KANSL1L: variants seen among roughly 807,000 people sequenced by gnomAD.
KANSL1L encodes the protein KAT8 regulatory NSL complex subunit 1 like.
In KANSL1L, 25 loss-of-function variants were observed where a neutral mutation model predicts 108.6. That is an observed-to-expected ratio of 0.23 (90% CI 0.17 to 0.32). The LOEUF (loss-of-function observed/expected upper bound fraction) is 0.32. KANSL1L is among the 10% of genes least tolerant of loss of function. KANSL1L has a pLI of 1.00. For synonymous variants in KANSL1L, 405 were observed against 395.1 expected (o/e 1.03, Z -0.30); for missense variants, 1,137 against 1,125.7 (o/e 1.01, Z -0.14).
chr2:210,031,314 A>G (rs1018299941), intron 9 of KANSL1L, 107 bp downstream of exon 9: 3 of 710,140 alleles, frequency 4.2e-6, no homozygotes, highest in Non-Finnish European at 7.0e-6. Context: ...GTTTTGTGTT[A>G]TTAGTGGCTG....
intron 6 of KANSL1L, among the ~76,000 whole-genome samples, chr2:210,060,161 T>A (rs1298101243): frequency 6.6e-6 from 1 of 152,196 alleles, no homozygotes; most frequent in Non-Finnish European, 1.5e-5. Flanking sequence ...ATCATTCACA[T>A]TTTAAAAAGG....
chr2:210,149,525 A>G (rs760410522), intron 2 of KANSL1L, among the ~76,000 whole-genome samples: 10 of 152,182 alleles, frequency 6.6e-5, no homozygotes, highest in Admixed American at 1.3e-4. Flanking sequence ...AACTTTATAC[A>G]TTAAAAATAC....
intron 12 of KANSL1L, 54 bp from the exon 13 acceptor site, chr2:210,025,270 G>T (rs2093920570): frequency 3.5e-6 from 4 of 1,131,948 alleles, no homozygotes; most frequent in Middle Eastern, 2.0e-4. Context: ...TGAAATATAA[G>T]ATCAGGCTGG....
intron 8 of KANSL1L, among the ~76,000 whole-genome samples, chr2:210,036,707 T>C (rs1233647601): frequency 2.6e-5 from 4 of 152,324 alleles, no homozygotes; most frequent in African/African-American, 9.6e-5. Flanking sequence ...AAATTTCTCA[T>C]TACATTATTT....
intron 7 of KANSL1L, among the ~76,000 whole-genome samples, chr2:210,042,181 C>T (rs532204611): frequency 6.6e-6 from 1 of 152,308 alleles, no homozygotes; most frequent in African/African-American, 2.4e-5. Context: ...CGCACGTGAC[C>T]TGTCAGCTTT....
intron 1 of KANSL1L, chr2:210,170,233 T>G (rs1323236303): frequency 2.8e-6 from 1 of 355,456 alleles, no homozygotes; most frequent in Non-Finnish European, 3.9e-6. Flanking sequence ...CAAACTCAGA[T>G]GAAGTTAAGC....
intron 6 of KANSL1L, among the ~76,000 whole-genome samples, chr2:210,055,262 C>CA (rs1282046896): frequency 2.0e-5 from 3 of 152,230 alleles, no homozygotes; most frequent in African/African-American, 7.2e-5. Flanking sequence ...GAAGCCTCCC[C>CA]AGCCATGCTG....
At chr2:210,032,836 A>G (rs1034832280) in intron 8 of KANSL1L, 1 of 152,268 alleles carries the variant, frequency 6.6e-6, no homozygotes, top group African/African-American at 2.4e-5. Flanking sequence ...GGTACAAACC[A>G]CAAGTGGAAG....
At chr2:210,072,657 C>T (rs980050074) in intron 6 of KANSL1L, among the ~76,000 whole-genome samples, 2 of 141,836 alleles carry the variant, frequency 1.4e-5, no homozygotes, top group African/African-American at 2.6e-5. Context: ...GTTTGAGTTC[C>T]CGTGAGTTCC....
intron 7 of KANSL1L, chr2:210,043,706 A>G (rs1332789271): frequency 1.2e-5 from 4 of 342,094 alleles, no homozygotes; most frequent in Non-Finnish European, 2.1e-5. Flanking sequence ...CCCAAAGTAA[A>G]TCAAGTTGGT....
At chr2:210,075,883 C>A in intron 5 of KANSL1L, 127 bp from the exon 6 acceptor site, 1 of 661,864 alleles carries the variant, frequency 1.5e-6, no homozygotes, top group Non-Finnish European at 2.5e-6. Flanking sequence ...TAATTTTAAC[C>A]AATTTTGTGG....
At chr2:210,086,503 A>C (rs1189987673) in intron 5 of KANSL1L, among the ~76,000 whole-genome samples, 4 of 151,492 alleles carry the variant, frequency 2.6e-5, no homozygotes, top group Admixed American at 6.6e-5. Flanking sequence ...AAAAAAAAAA[A>C]AACTCTTGAC....
intron 5 of KANSL1L, among the ~76,000 whole-genome samples, chr2:210,095,894 C>T (rs1184996188): frequency 6.6e-6 from 1 of 152,058 alleles, no homozygotes; most frequent in Non-Finnish European, 1.5e-5. Context: ...AAAATAAATG[C>T]TTTTTGAAAC....
chr2:210,087,992 T>G (rs1373455149), intron 5 of KANSL1L, among the ~76,000 whole-genome samples: 1 of 152,198 alleles, frequency 6.6e-6, no homozygotes, highest in Non-Finnish European at 1.5e-5. Context: ...TTTTCACAAC[T>G]AGACTTTATA....
At chr2:210,054,428 T>G (rs2094327601) in intron 6 of KANSL1L, among the ~76,000 whole-genome samples, 1 of 152,158 alleles carries the variant, frequency 6.6e-6, no homozygotes, top group African/African-American at 2.4e-5. Flanking sequence ...ATAAAGATGT[T>G]GGCAAACAGG....
intron 6 of KANSL1L, among the ~76,000 whole-genome samples, chr2:210,067,699 G>C (rs1466206981): frequency 8.0e-6 from 1 of 124,640 alleles, no homozygotes; most frequent in East Asian, 2.3e-4. Context: ...CTGAGTGACA[G>C]AGTGAGACCC....
At chr2:210,064,177 A>G (rs1476293124) in intron 6 of KANSL1L, 2 of 152,228 alleles carry the variant, frequency 1.3e-5, no homozygotes, top group Admixed American at 6.5e-5. Flanking sequence ...GCCTTCCACC[A>G]TGATTGCAAG....
intron 2 of KANSL1L, among the ~76,000 whole-genome samples, chr2:210,134,116 C>A (rs926722095): frequency 3.0e-4 from 45 of 152,108 alleles, no homozygotes; most frequent in Admixed American, 1.1e-3. Flanking sequence ...GGCTTACATA[C>A]CTTCTAGTGA....
chr2:210,104,838 G>C (rs572904506), intron 3 of KANSL1L, among the ~76,000 whole-genome samples: 14 of 152,216 alleles, frequency 9.2e-5, no homozygotes, highest in Admixed American at 4.6e-4. Flanking sequence ...ACCAGGGATA[G>C]GACTGCACCA....
Sources: gnomAD v4.1 joint callset for allele counts (sites outside exome capture counted in the v4.1 genomes callset) on GRCh38, gnomAD v4.1.1 for gene constraint, MANE v1.5 for transcripts, NCBI Gene and HGNC (gene_info 2026-07-23, HGNC 2026-07-21) for gene names.